Variants in POU6F2 observed in about 807,000 individuals in gnomAD.
The protein encoded by POU6F2 is POU domain, class 6, transcription factor 2.
Under a neutral mutation model 71.3 loss-of-function variants are expected in POU6F2, and 31 were observed. The observed-to-expected ratio is 0.43, with a 90% CI of 0.33 to 0.59. The LOEUF (loss-of-function observed/expected upper bound fraction) is 0.59. Ranked by LOEUF, POU6F2 falls within the 20% of genes least tolerant of loss-of-function variation. POU6F2 has a pLI of 0.04. For synonymous variants in POU6F2, 347 were observed against 355.7 expected, an observed-to-expected ratio of 0.98 and a Z score of 0.27; for missense variants, 783 against 856.8, an observed-to-expected ratio of 0.91 and a Z score of 1.07.
chr7:39,330,145 G>T (rs150189104), intron 4 of POU6F2, among the ~76,000 whole-genome samples: 1 of 152,210 alleles, frequency 6.6e-6, no homozygotes, highest in East Asian at 1.9e-4. Flanking sequence ...GTTTACCTCC[G>T]TATTTCCAAA....
At chr7:39,218,613 T>G (rs945879367) in intron 4 of POU6F2, among the ~76,000 whole-genome samples, 2 of 152,124 alleles carry the variant, frequency 1.3e-5, no homozygotes, top group African/African-American at 4.8e-5. Context: ...CATCTGCTAT[T>G]TGCCAGGCAC....
At chr7:39,114,994 A>G (rs942014134) in intron 2 of POU6F2, among the ~76,000 whole-genome samples, 1 of 152,202 alleles carries the variant, frequency 6.6e-6, no homozygotes, top group Non-Finnish European at 1.5e-5. Context: ...TAAAATGCCT[A>G]TTACTAGTTA....
At chr7:39,282,765 G>C (rs914390314) in intron 4 of POU6F2, among the ~76,000 whole-genome samples, 1 of 152,064 alleles carries the variant, frequency 6.6e-6, no homozygotes, top group African/African-American at 2.4e-5. Flanking sequence ...GGCTGTTTGG[G>C]TTGTTTTGTG....
At position 39,433,212 on chromosome 7, in the gene POU6F2, A is replaced by G; in HGVS notation, c.1249A>G (p.Ile417Val). 6.2e-7 allele frequency: 1 copy of G among 1,613,256 alleles called. No individual in the cohort carries two copies. The change falls in exon 7 of 10, where the codon ATT (isoleucine) becomes GTT (valine). Residue 417 changes from isoleucine to valine, a missense_variant. Ile to Val is a conservative substitution (Grantham distance 29, BLOSUM62 3). This residue lies in a region of POU6F2 where 572 missense variants were observed against 572.9 expected (regional missense o/e 1.00). Coordinates refer to ENST00000518318, the MANE Select transcript of POU6F2 (RefSeq NM_001370959.1). The stretch of plus-strand genomic sequence containing the variant: ...CCAGGGCCAGATCATCGCCACAGTC[A>G]TTGGGAACCAGATCCTGCCCGTGAT... ...NAQGQIIATV[I>V]GNQILPVINT...
At position 39,468,293 on chromosome 7, in the gene POU6F2, C is replaced by G. The variant is rs144433244; in HGVS notation, c.*3607C>G. The G allele has an allele frequency of 1.1e-4, 17 of 151,464 alleles. No individual in the cohort carries two copies. Among genetic ancestry groups the G allele is most frequent in the African/African-American group, 3.9e-4 (16 of 41,298 alleles). 9.4% of individuals were successfully genotyped at this position (151,464 alleles called of 1,614,324 possible). A position where few individuals can be genotyped will look rare whatever the true frequency, so the allele number is the denominator to read the frequency against. On this transcript the variant is annotated 3_prime_UTR_variant, in exon 10 of 10. Transcript: ENST00000518318. ...TCTGCTTCTCCGTGCCCGGAGCAGG[C>G]AGCAGGAGGGAGGGCAGGAAACAGG...
At chr7:39,339,083 A>T (rs4052332) in intron 4 of POU6F2, among the ~76,000 whole-genome samples, 31,030 of 96,894 alleles carry the variant, frequency 0.32, 3,215 homozygotes, top group African/African-American at 0.36. Context: ...TTGAATTTTT[A>T]AAAAAAAAAA....
chr7:39,220,890 T>C (rs1482023662), intron 4 of POU6F2, among the ~76,000 whole-genome samples: 1 of 152,050 alleles, frequency 6.6e-6, no homozygotes, highest in Admixed American at 6.6e-5. Flanking sequence ...CACATGGCTA[T>C]TGGGCATTTA....
At chr7:39,065,015 G>T (rs1261352706) in intron 1 of POU6F2, among the ~76,000 whole-genome samples, 2 of 151,734 alleles carry the variant, frequency 1.3e-5, no homozygotes, top group Non-Finnish European at 3.0e-5. Flanking sequence ...AGACCAAGGA[G>T]ACACAAAGTA....
intron 2 of POU6F2, among the ~76,000 whole-genome samples, chr7:39,114,423 A>G: frequency 6.6e-6 from 1 of 152,192 alleles, no homozygotes; most frequent in Non-Finnish European, 1.5e-5. Flanking sequence ...TTAAGTGAAG[A>G]TTATTTTAAT....
intron 1 of POU6F2, among the ~76,000 whole-genome samples, chr7:39,007,053 T>C (rs1051319929): frequency 1.3e-5 from 2 of 152,218 alleles, no homozygotes; most frequent in Non-Finnish European, 2.9e-5. Context: ...GCCAGAATTA[T>C]TCCTTAATTC....
At chr7:39,402,638 C>G (rs1270281708) in intron 5 of POU6F2, among the ~76,000 whole-genome samples, 1 of 152,152 alleles carries the variant, frequency 6.6e-6, no homozygotes, top group Non-Finnish European at 1.5e-5. Context: ...CTAGGCACTA[C>G]TTTCTCTACA....
intron 1 of POU6F2, among the ~76,000 whole-genome samples, chr7:38,979,575 A>G (rs993054305): frequency 9.8e-5 from 15 of 152,342 alleles, no homozygotes; most frequent in African/African-American, 3.6e-4. Flanking sequence ...AACTGATTTT[A>G]TATACTCTTA....
At chr7:39,115,780 G>A (rs1050719437) in intron 2 of POU6F2, among the ~76,000 whole-genome samples, 2 of 151,982 alleles carry the variant, frequency 1.3e-5, no homozygotes, top group Non-Finnish European at 1.5e-5. Flanking sequence ...AAGAAGTAGA[G>A]CATTTGGCAA....
At chr7:39,331,450 A>G (rs1785646787) in intron 4 of POU6F2, among the ~76,000 whole-genome samples, 1 of 152,102 alleles carries the variant, frequency 6.6e-6, no homozygotes, top group Admixed American at 6.5e-5. Context: ...TGTCTTTTAG[A>G]TAATAACCAT....
At chr7:39,300,751 G>T (rs1225917099) in intron 4 of POU6F2, among the ~76,000 whole-genome samples, 3 of 151,924 alleles carry the variant, frequency 2.0e-5, no homozygotes, top group Non-Finnish European at 4.4e-5. Flanking sequence ...TTCTTATCAG[G>T]ACACCAGTCA....
intron 1 of POU6F2, among the ~76,000 whole-genome samples, chr7:38,990,627 A>G (rs1788579493): frequency 6.6e-6 from 1 of 152,154 alleles, no homozygotes; most frequent in Non-Finnish European, 1.5e-5. Flanking sequence ...TCAGAAGGGA[A>G]CATAATGCTT....
intron 1 of POU6F2, among the ~76,000 whole-genome samples, chr7:39,012,513 T>C (rs1203441569): frequency 6.6e-6 from 1 of 151,744 alleles, no homozygotes; most frequent in African/African-American, 2.4e-5. Flanking sequence ...TGAAGCCTTC[T>C]TCTCTCAGCT....
intron 1 of POU6F2, among the ~76,000 whole-genome samples, chr7:38,986,931 T>C (rs752914171): frequency 3.9e-5 from 6 of 152,160 alleles, no homozygotes; most frequent in Non-Finnish European, 7.4e-5. Context: ...TATGAATAGA[T>C]CTGCATCCTT....
At chr7:39,244,606 A>C (rs1783789907) in intron 4 of POU6F2, among the ~76,000 whole-genome samples, 1 of 152,208 alleles carries the variant, frequency 6.6e-6, no homozygotes, top group Admixed American at 6.5e-5. Flanking sequence ...AAATTCCATC[A>C]ACTAATCATT....
Sources: gnomAD v4.1 joint callset for allele counts (sites outside exome capture counted in the v4.1 genomes callset) on GRCh38, gnomAD v4.1.1 for gene constraint, gnomAD v4.1.1 regional missense constraint, MANE v1.5 for transcripts, NCBI Gene and HGNC (gene_info 2026-07-23, HGNC 2026-07-21) for gene names.